TNIK: variants seen among roughly 807,000 people sequenced by gnomAD.
TNIK encodes TRAF2 and NCK-interacting protein kinase.
TNIK carries 49 observed loss-of-function variants against 191.3 expected under a neutral mutation model. The ratio of observed to expected loss-of-function variants is 0.26; its 90% CI spans 0.20 to 0.32. The LOEUF (loss-of-function observed/expected upper bound fraction) is 0.32, where lower values mean the gene tolerates loss of function less well. Ranked by LOEUF, TNIK falls within the 10% of genes least tolerant of loss-of-function variation. The probability of loss-of-function intolerance (pLI) is 1.00; values close to 1 mark genes in which losing one functional copy is unlikely to be tolerated. For missense variants in TNIK, 1,155 were observed against 1,702.3 expected (o/e 0.68, Z 5.66); for synonymous variants, 594 against 600.9 (o/e 0.99, Z 0.17).
chr3:171,338,641 A>T (rs890768140), intron 2 of TNIK, among the ~76,000 whole-genome samples: 1 of 147,986 alleles, frequency 6.8e-6, no homozygotes, highest in Non-Finnish European at 1.5e-5. Flanking sequence ...GGCATGTACC[A>T]CCATGCTCAG....
chr3:171,097,260 T>C (rs1004372300), intron 22 of TNIK, among the ~76,000 whole-genome samples: 30 of 152,334 alleles, frequency 2.0e-4, no homozygotes, highest in African/African-American at 7.0e-4. Flanking sequence ...TTGATCTAAG[T>C]AACCTTGGAA....
At chr3:171,384,559 G>A (rs1001362540) in intron 1 of TNIK, among the ~76,000 whole-genome samples, 3 of 152,222 alleles carry the variant, frequency 2.0e-5, no homozygotes, top group African/African-American at 7.2e-5. Context: ...TGATGAGAAT[G>A]AGGGGAAACA....
chr3:171,166,825 T>C (rs897442987), intron 10 of TNIK, among the ~76,000 whole-genome samples: 1 of 152,212 alleles, frequency 6.6e-6, no homozygotes, highest in African/African-American at 2.4e-5. Flanking sequence ...ACTTGTCATA[T>C]TAAAGTACTT....
chr3:171,418,938 G>T (rs917143919), intron 1 of TNIK, among the ~76,000 whole-genome samples: 2 of 152,156 alleles, frequency 1.3e-5, no homozygotes, highest in Non-Finnish European at 2.9e-5. Flanking sequence ...GTCCAGCAGG[G>T]TCAGTTTCTG....
At chr3:171,141,524 C>G (rs1219416802) in intron 12 of TNIK, among the ~76,000 whole-genome samples, 3 of 152,168 alleles carry the variant, frequency 2.0e-5, no homozygotes, top group Non-Finnish European at 4.4e-5. Context: ...CAGTGGTTCT[C>G]AAGTAGGAGC....
In TNIK at chr3:171,139,427, A is replaced by G. The variant is rs748765641; in HGVS notation, c.1419+43T>C. On this transcript the variant is annotated intron_variant, in intron 14 of 32. Transcript: ENST00000436636. ...ACACACACACACAAACACTTGCAAGATGAACACAGAGCAGGTCAGCTGGTT... is the reference window on the plus strand; with the variant it reads ...ACACACACACACAAACACTTGCAAGGTGAACACAGAGCAGGTCAGCTGGTT... The G allele has an allele frequency of 5.3e-6, 8 of 1,511,896 alleles. No homozygotes were observed. The African/African-American group carries it at 1.1e-4, about 21-fold the overall frequency. 93.7% of individuals were successfully genotyped at this position (1,511,896 alleles called of 1,614,324 possible). A position where few individuals can be genotyped will look rare whatever the true frequency, so the allele number is the denominator to read the frequency against.
chr3:171,363,281 TA>T (rs887090208), intron 2 of TNIK, among the ~76,000 whole-genome samples: 8 of 152,288 alleles, frequency 5.3e-5, no homozygotes, highest in African/African-American at 1.2e-4. Flanking sequence ...TCCTCCCCAG[TA>T]AAATGAGACC....
At chr3:171,418,328 G>A (rs142812711) in intron 1 of TNIK, among the ~76,000 whole-genome samples, 35 of 152,154 alleles carry the variant, frequency 2.3e-4, no homozygotes, top group African/African-American at 6.7e-4. Flanking sequence ...GGGCCAAACC[G>A]TATGACCCAG....
At chr3:171,196,538 C>G (rs1196182973) in intron 4 of TNIK, among the ~76,000 whole-genome samples, 1 of 151,944 alleles carries the variant, frequency 6.6e-6, no homozygotes, top group Non-Finnish European at 1.5e-5. Flanking sequence ...AAATCTAGAC[C>G]AGGATACTAG....
intron 2 of TNIK, among the ~76,000 whole-genome samples, chr3:171,278,479 T>A (rs188863811): frequency 0.012 from 1,807 of 152,070 alleles, 28 homozygotes; most frequent in Middle Eastern, 0.024. Flanking sequence ...CTTATTTTTT[T>A]AAAAAAGATA....
chr3:171,409,352 A>C (rs1346628096), intron 1 of TNIK, among the ~76,000 whole-genome samples: 1 of 152,192 alleles, frequency 6.6e-6, no homozygotes, highest in East Asian at 1.9e-4. Context: ...CGGCACATGG[A>C]AGGTATTTGA....
At chr3:171,249,314 T>C (rs1257481768) in intron 2 of TNIK, among the ~76,000 whole-genome samples, 1 of 152,196 alleles carries the variant, frequency 6.6e-6, no homozygotes, top group East Asian at 1.9e-4. Flanking sequence ...ACACCACATA[T>C]TTTCAACCCA....
chr3:171,293,950 C>T (rs1422965927), intron 2 of TNIK, among the ~76,000 whole-genome samples: 1 of 152,114 alleles, frequency 6.6e-6, no homozygotes, highest in African/African-American at 2.4e-5. Flanking sequence ...GCCGGCTGGG[C>T]GCAGTGGCTC....
intron 10 of TNIK, among the ~76,000 whole-genome samples, chr3:171,164,970 C>G (rs1734433784): frequency 6.6e-6 from 1 of 152,204 alleles, no homozygotes; most frequent in Non-Finnish European, 1.5e-5. Flanking sequence ...TACATTCCTT[C>G]AAGTCCCTGC....
In TNIK at chr3:171,353,094, G is replaced by A. The variant is rs1206201065; in HGVS notation, c.123+16526C>T. Among the ~76,000 whole-genome samples the A allele has an allele frequency of 2.6e-5, 4 of 152,310 alleles. No homozygotes were observed. In the East Asian group the frequency reaches 5.8e-4, roughly 22 times the overall value. On this transcript the variant is annotated intron_variant, in intron 2 of 32. Coordinates refer to ENST00000436636, the MANE Select transcript of TNIK (RefSeq NM_015028.4). The stretch of plus-strand genomic sequence containing the variant: ...ACCTTTTTAGAATGGTCAGATATGA[G>A]AAACAAAGCATGTAAACAACACTAA...
chr3:171,385,267 G>T (rs2108530438), intron 1 of TNIK, among the ~76,000 whole-genome samples: 1 of 152,172 alleles, frequency 6.6e-6, no homozygotes, highest in East Asian at 1.9e-4. Flanking sequence ...ACACCAGCTG[G>T]GCCCTAGAAG....
At chr3:171,120,981 G>C (rs1727671361) in intron 18 of TNIK, among the ~76,000 whole-genome samples, 2 of 152,242 alleles carry the variant, frequency 1.3e-5, no homozygotes, top group South Asian at 4.1e-4. Flanking sequence ...TGCAGCTTCA[G>C]TATATATTTG....
rs1156457149 is a variant in TNIK, at chr3:171,062,600, G to T, written c.*1281C>A. ...CACAAATGTTGTTTACCGTATGTTG[G>T]GTAATTTGGAGGAAGGTAAAGTGAT... On this transcript the variant is annotated 3_prime_UTR_variant, in exon 33 of 33. Transcript: ENST00000436636. The T allele has an allele frequency of 1.3e-5, 2 of 152,060 alleles. No homozygotes were observed. The highest frequency in any genetic ancestry group is 4.8e-5 in the African/African-American group (2 of 41,420). The allele number at this position is 152,060 out of a possible 1,614,324, so 9.4% of individuals were successfully genotyped here.
chr3:171,266,544 C>T (rs910779236), intron 2 of TNIK, among the ~76,000 whole-genome samples: 85 of 152,136 alleles, frequency 5.6e-4, no homozygotes, highest in Admixed American at 3.5e-3. Flanking sequence ...GCATTTGAAA[C>T]GCCTACTTAG....
Sources: allele counts gnomAD v4.1 joint callset (sites outside exome capture counted in the v4.1 genomes callset), GRCh38; gene constraint gnomAD v4.1.1; transcripts MANE v1.5; gene names NCBI Gene and HGNC (gene_info 2026-07-23, HGNC 2026-07-21).